ARHGEF4: variants seen among roughly 807,000 people sequenced by gnomAD.
ARHGEF4 encodes APC-stimulated guanine nucleotide exchange factor 1.
Under a neutral mutation model 162.0 loss-of-function variants are expected in ARHGEF4, and 119 were observed. The observed-to-expected ratio is 0.73, with a 90% CI of 0.63 to 0.86. The LOEUF is 0.86. Among genes scored for constraint, ARHGEF4 ranks in the 40% least tolerant of loss-of-function variants. The pLI, the probability that ARHGEF4 is intolerant of heterozygous loss-of-function variation, is 0.00. For synonymous variants in ARHGEF4, 1,014 were observed against 979.9 expected, an observed-to-expected ratio of 1.03 and a Z score of -0.65; for missense variants, 2,488 against 2,456.0, an observed-to-expected ratio of 1.01 and a Z score of -0.28.
intron 4 of ARHGEF4, among the ~76,000 whole-genome samples, chr2:131,019,239 C>T (rs1264436818): frequency 6.6e-6 from 1 of 151,786 alleles, no homozygotes; most frequent in Non-Finnish European, 1.5e-5. Flanking sequence ...ATGGAGAAAC[C>T]CTGTCTATAC....
intron 2 of ARHGEF4, among the ~76,000 whole-genome samples, chr2:130,926,951 T>C (rs1243558651): frequency 6.7e-6 from 1 of 150,000 alleles, no homozygotes; most frequent in Non-Finnish European, 1.5e-5. Flanking sequence ...ATGTCTCTGG[T>C]TGGAGGGGAG....
intron 4 of ARHGEF4, among the ~76,000 whole-genome samples, chr2:130,978,084 A>T (rs566237973): frequency 3.3e-5 from 5 of 152,272 alleles, no homozygotes; most frequent in Admixed American, 3.3e-4. Flanking sequence ...TGAGGAAGGA[A>T]CTCATATCAA....
intron 1 of ARHGEF4, among the ~76,000 whole-genome samples, chr2:130,904,954 C>T (rs1680728274): frequency 6.6e-6 from 1 of 152,206 alleles, no homozygotes; most frequent in Non-Finnish European, 1.5e-5. Context: ...TGGCACTTGC[C>T]TGTAATCCCA....
intron 1 of ARHGEF4, among the ~76,000 whole-genome samples, chr2:130,897,768 G>A (rs1403739174): frequency 1.3e-5 from 2 of 152,130 alleles, no homozygotes; most frequent in African/African-American, 2.4e-5. Context: ...ACAGACACAC[G>A]GCTGGGTGGC....
intron 8 of ARHGEF4, 23 bp downstream of exon 8, chr2:131,040,463 C>T: frequency 6.6e-7 from 1 of 1,525,382 alleles, no homozygotes. Context: ...CCCCCGGCCC[C>T]TACCTGGGCG....
intron 4 of ARHGEF4, among the ~76,000 whole-genome samples, chr2:131,007,621 A>G (rs2105325314): frequency 1.3e-5 from 2 of 152,170 alleles, no homozygotes; most frequent in East Asian, 3.9e-4. Flanking sequence ...AGATACTGTT[A>G]ACTATTTCGT....
chr2:130,999,190 G>A (rs1223140205), intron 4 of ARHGEF4, among the ~76,000 whole-genome samples: 1 of 141,604 alleles, frequency 7.1e-6, no homozygotes, highest in Middle Eastern at 4.0e-3. Context: ...ACGGAGTCTC[G>A]CTCTGTTGCC....
intron 1 of ARHGEF4, among the ~76,000 whole-genome samples, chr2:130,877,844 G>C (rs1678953314): frequency 6.6e-6 from 1 of 152,132 alleles, no homozygotes; most frequent in African/African-American, 2.4e-5. Flanking sequence ...ACTTCTGTTA[G>C]AATGTCAGCG....
intron 3 of ARHGEF4, among the ~76,000 whole-genome samples, chr2:130,936,674 G>A (rs1475076123): frequency 6.6e-6 from 1 of 151,996 alleles, no homozygotes; most frequent in East Asian, 1.9e-4. Flanking sequence ...TGTACATGGT[G>A]AATTACTTCT....
intron 4 of ARHGEF4, among the ~76,000 whole-genome samples, chr2:130,988,922 A>AGAGAGAGG (rs1292506631): frequency 4.7e-5 from 7 of 150,230 alleles, no homozygotes; most frequent in Non-Finnish European, 1.0e-4. Context: ...AGAGAGAGAG[A>AGAGAGAGG]GAGAGAGAGA....
chr2:130,916,780 G>C lies in ARHGEF4; in HGVS notation c.2834G>C (p.Ser945Thr). ...PSSPKGEKEKSRLRQGSWRAF... is the reference protein window; with the variant it reads ...PSSPKGEKEKTRLRQGSWRAF... ...TCTCCCAAGGGCGAGAAGGAGAAGA[G>C]CAGGCTGCGCCAGGGTTCCTGGCGG... Residue 945 changes from serine to threonine, a missense_variant, in exon 2 of 14, where the codon AGC becomes ACC. Ser to Thr is a moderately conservative substitution (Grantham distance 58, BLOSUM62 1). Around this residue, in one of 6 missense-constraint regions of ARHGEF4, gnomAD observed 1,642 missense variants for 1,481.5 expected, o/e 1.11. Coordinates refer to ENST00000409359, the MANE Select transcript of ARHGEF4 (RefSeq NM_001367493.1). The C allele has an allele frequency of 4.5e-6, 7 of 1,550,566 alleles. No homozygotes were observed. In the South Asian group the frequency reaches 5.9e-5, roughly 13 times the overall value.
At chr2:130,970,839 C>T (rs1685314398) in intron 4 of ARHGEF4, among the ~76,000 whole-genome samples, 1 of 152,072 alleles carries the variant, frequency 6.6e-6, no homozygotes, top group African/African-American at 2.4e-5. Flanking sequence ...ATGTGATTTG[C>T]AAATATTTAT....
At chr2:130,838,089 G>A (rs111748365) in intron 1 of ARHGEF4, among the ~76,000 whole-genome samples, 21 of 152,372 alleles carry the variant, frequency 1.4e-4, no homozygotes, top group African/African-American at 4.8e-4. Context: ...AGTGGAGAGG[G>A]CCGGACAGCC....
At chr2:130,838,368 G>A (rs1000484150) in intron 1 of ARHGEF4, among the ~76,000 whole-genome samples, 2 of 151,758 alleles carry the variant, frequency 1.3e-5, no homozygotes, top group Non-Finnish European at 2.9e-5. Flanking sequence ...TTGGGAGGCC[G>A]AGTGGGGGGG....
At chr2:130,977,020 GTGT>G (rs370512133) in intron 4 of ARHGEF4, among the ~76,000 whole-genome samples, 9 of 151,862 alleles carry the variant, frequency 5.9e-5, no homozygotes, top group Non-Finnish European at 8.8e-5. Flanking sequence ...TTTGCAGTGT[GTGT>G]TAAGTGTGAA....
chr2:131,012,745 C>A (rs1221048914), intron 4 of ARHGEF4, among the ~76,000 whole-genome samples: 1 of 152,126 alleles, frequency 6.6e-6, no homozygotes, highest in East Asian at 1.9e-4. Flanking sequence ...CAACCCCAGC[C>A]AGTTTTTGTA....
chr2:130,966,543 G>A (rs773179886), intron 4 of ARHGEF4, among the ~76,000 whole-genome samples: 5 of 152,224 alleles, frequency 3.3e-5, no homozygotes, highest in Non-Finnish European at 7.3e-5. Context: ...TCAGAGGTGT[G>A]GTAACTTATC....
intron 5 of ARHGEF4, among the ~76,000 whole-genome samples, chr2:131,031,580 C>T (rs1214265936): frequency 6.6e-6 from 1 of 152,220 alleles, no homozygotes; most frequent in Non-Finnish European, 1.5e-5. Flanking sequence ...GCCTGAGGAA[C>T]GTGCAAACAG....
chr2:130,934,198 A>C (rs1253698359), intron 3 of ARHGEF4, among the ~76,000 whole-genome samples: 1 of 152,178 alleles, frequency 6.6e-6, no homozygotes, highest in African/African-American at 2.4e-5. Context: ...ATAATCATGC[A>C]TGTTTTCTTT....
Sources: gnomAD v4.1 joint callset for allele counts (sites outside exome capture counted in the v4.1 genomes callset) on GRCh38, gnomAD v4.1.1 for gene constraint, gnomAD v4.1.1 regional missense constraint, MANE v1.5 for transcripts, NCBI Gene and HGNC (gene_info 2026-07-23, HGNC 2026-07-21) for gene names.